ABHD14A: variants seen among roughly 807,000 people sequenced by gnomAD.
ABHD14A encodes the protein abhydrolase domain containing 14A.
ABHD14A carries 19 observed loss-of-function variants against 27.0 expected under a neutral mutation model. The observed-to-expected ratio is 0.70, with a 90% CI of 0.49 to 1.03. The LOEUF is 1.03. ABHD14A is among the 50% of genes least tolerant of loss of function. The probability of loss-of-function intolerance (pLI) is 0.00; values close to 1 mark genes in which losing one functional copy is unlikely to be tolerated. For missense variants in ABHD14A, 311 were observed against 344.6 expected (o/e 0.90, Z 0.77); for synonymous variants, 148 against 158.8 (o/e 0.93, Z 0.51).
intron 1 of ABHD14A, among the ~76,000 whole-genome samples, chr3:51,976,477 A>G (rs982271876): frequency 6.6e-6 from 1 of 151,998 alleles, no homozygotes; most frequent in Non-Finnish European, 1.5e-5. Flanking sequence ...CAGTTCGAGA[A>G]CAGCCTGGCC....
In ABHD14A at chr3:51,978,280, T is replaced by C. The variant is rs1284887148; in HGVS notation, c.303T>C (p.His101=). The part of the protein sequence containing the change: ...QAHRVEVVLL[H]GKAFNSHTWE... ...GCAGGGTGGAGGTGGTGCTGCTTCATGGAAAGGCCTTTAACTCTCACACGT... is the reference window on the plus strand; with the variant it reads ...GCAGGGTGGAGGTGGTGCTGCTTCACGGAAAGGCCTTTAACTCTCACACGT... Residue 101 remains histidine, a synonymous_variant, in exon 3 of 5, where the codon CAT becomes CAC. Coordinates refer to ENST00000273596, the MANE Select transcript of ABHD14A (RefSeq NM_015407.5). The C allele has an allele frequency of 1.3e-6, 2 of 1,551,544 alleles. No individual in the cohort carries two copies. Among genetic ancestry groups the C allele is most frequent in the Non-Finnish European group, 1.7e-6 (2 of 1,146,780 alleles).
rs774213362 is a variant in ABHD14A at position 51,980,244 on chromosome 3, A to G, written c.398-149A>G. On this transcript the variant is annotated intron_variant, in intron 3 of 4. Coordinates refer to ENST00000273596, the MANE Select transcript of ABHD14A (RefSeq NM_015407.5). Reference sequence around the variant, plus strand: ...GCCAAGATATGCTTTTCTAACAGGCATATTACATTACCAGAAAATAGCTTC... The same window carrying G: ...GCCAAGATATGCTTTTCTAACAGGCGTATTACATTACCAGAAAATAGCTTC... 4.0e-6 allele frequency: 3 copies of G among 756,756 alleles called. No individual in the cohort carries two copies. The South Asian group carries it at 4.4e-5, about 11-fold the overall frequency. The allele number at this position is 756,756 out of a possible 1,614,324, so 46.9% of individuals were successfully genotyped here. A position where few individuals can be genotyped will look rare whatever the true frequency, so the allele number is the denominator to read the frequency against.
At position 51,978,341 on chromosome 3, in the gene ABHD14A, AG is replaced by A; in HGVS notation, c.368del (p.Gly123AlafsTer46). The A allele has an allele frequency of 6.4e-7, 1 of 1,551,686 alleles. No homozygotes were observed. The highest frequency in any genetic ancestry group is 8.7e-7 in the Non-Finnish European group (1 of 1,146,970). On this transcript the variant is annotated frameshift_variant, in exon 3 of 5. Transcript: ENST00000273596. LOFTEE classifies it high-confidence loss of function. The stretch of plus-strand genomic sequence containing the variant: ...GGGCACACTGCAGCTACTGTCACAG[AG>A]GGGCTACCGGGCCGTGGCCCTTGAC... Reference protein sequence around the residue: ...QLGTLQLLSQRGYRAVALDLP... With the variant: ...QLGTLQLLSQXGYRAVALDLP...
rs1366981209 is a variant in ABHD14A, at chr3:51,977,854, C to T, written c.70-17C>T. ...GACTCAGTTCCAGCCTCTTTTCCCT[C>T]TCCTCTCCCTCTCCAGACTGTGGTA... On this transcript the variant is annotated splice_polypyrimidine_tract_variant and intron_variant, in intron 1 of 4. Coordinates refer to ENST00000273596, the MANE Select transcript of ABHD14A (RefSeq NM_015407.5). 6.2e-7 allele frequency: 1 copy of T among 1,601,988 alleles called. No individual in the cohort carries two copies. The highest frequency in any genetic ancestry group is 1.1e-5 in the South Asian group (1 of 90,878).
Position 51,980,647 on chromosome 3 carries a change from C to T in ABHD14A, c.633+19C>T. ...TGTGAAGGTACTGGGAGAAGGATCT[C>T]AAAGGTCCTGGCACCCTGTCTGTGG... On this transcript the variant is annotated intron_variant, in intron 4 of 4. Coordinates refer to ENST00000273596, the MANE Select transcript of ABHD14A (RefSeq NM_015407.5). 2 of 1,608,410 alleles carry T rather than the reference C, an allele frequency of 1.2e-6. No homozygotes were observed. Among genetic ancestry groups the T allele is most frequent in the South Asian group, 1.1e-5 (1 of 90,616 alleles).
intron 3 of ABHD14A, among the ~76,000 whole-genome samples, chr3:51,980,013 C>A (rs1446384788): frequency 6.6e-6 from 1 of 150,880 alleles, no homozygotes; most frequent in Non-Finnish European, 1.5e-5. Flanking sequence ...GCTCCGCCCC[C>A]CGGGGTTCAT....
chr3:51,980,785 G>A, intron 4 of ABHD14A, 51 bp from the exon 5 acceptor site: 5 of 1,590,732 alleles, frequency 3.1e-6, no homozygotes, highest in Non-Finnish European at 4.3e-6. Context: ...TGGCTTGGGG[G>A]TCAGAAACTC....
Position 51,977,957 on chromosome 3 carries a change from G to A in ABHD14A, c.156G>A (p.Leu52=). ...TCATGCTCCTACTGTATGTGGGGCT[G>A]CCAGGCCCCCCTGAGCAGACTTCCT... is the stretch of plus-strand genomic sequence containing the variant. ...LLLMLLLYVG[L]PGPPEQTSCL... The change falls in exon 2 of 5, where the codon CTG becomes CTA. Residue 52 remains leucine, a synonymous_variant. Transcript: ENST00000273596. 1 of 1,614,144 alleles carries A rather than the reference G, an allele frequency of 6.2e-7. No individual in the cohort carries two copies. Among genetic ancestry groups the A allele is most frequent in the Non-Finnish European group, 8.5e-7 (1 of 1,180,040 alleles).
At chr3:51,975,729 G>T (rs1700774730) in intron 1 of ABHD14A, among the ~76,000 whole-genome samples, 1 of 152,098 alleles carries the variant, frequency 6.6e-6, no homozygotes, top group Non-Finnish European at 1.5e-5. Flanking sequence ...AGTCTCTCTG[G>T]CTTCCTGATG....
In ABHD14A at chr3:51,975,077, G is replaced by A. The variant is rs774653133; in HGVS notation, c.-59G>A. On this transcript the variant is annotated 5_prime_UTR_variant, in exon 1 of 5. Coordinates refer to ENST00000273596, the MANE Select transcript of ABHD14A (RefSeq NM_015407.5). ...GCTGCGGAGTGCGCAGGCGCGCCGA[G>A]ATGGCCGCGCTCCTGGCCGCCTAGA... 1.9e-5 allele frequency: 24 copies of A among 1,270,624 alleles called. No individual in the cohort carries two copies. Among genetic ancestry groups the A allele is most frequent in the East Asian group, 3.2e-5 (1 of 31,534 alleles). The allele number at this position is 1,270,624 out of a possible 1,614,324, so 78.7% of individuals were successfully genotyped here.
At position 51,975,188 on chromosome 3, in the gene ABHD14A, T is replaced by C. The variant is rs925708742; in HGVS notation, c.53T>C (p.Leu18Pro). 12 of 1,274,662 alleles carry C rather than the reference T, an allele frequency of 9.4e-6. No individual in the cohort carries two copies. In the African/African-American group the frequency reaches 1.9e-4, roughly 20 times the overall value. 79.0% of individuals were successfully genotyped at this position (1,274,662 alleles called of 1,614,324 possible). The change falls in exon 1 of 5, where the codon CTC becomes CCC. Residue 18 changes from leucine (L) to proline (P), a missense_variant. Physicochemically the swap from Leu to Pro is moderately conservative, Grantham distance 98 (BLOSUM62 -3). Coordinates refer to ENST00000273596, the MANE Select transcript of ABHD14A (RefSeq NM_015407.5). ...CWFRLGGARPLIPLGPTVVQT... is the reference protein window; with the variant it reads ...CWFRLGGARPPIPLGPTVVQT... ...TTCCGCCTGGGCGGGGCCCGCCCGC[T>C]CATCCCGTTGGGCCCGGTGAGTCTC... is the stretch of plus-strand genomic sequence containing the variant.
Position 51,978,381 on chromosome 3 carries a change from AC to A in ABHD14A, c.397+12del. ...GTGGCCCTTGACCTTCCAGGTGAGC[AC>A]CCCCACCCCTTTGTCTAGGGAAGCC... On this transcript the variant is annotated splice_region_variant and intron_variant, in intron 3 of 4. Transcript: ENST00000273596. 1 of 1,547,340 alleles carries A rather than the reference AC, an allele frequency of 6.5e-7. No individual in the cohort carries two copies. The highest frequency in any genetic ancestry group is 1.2e-5 in the South Asian group (1 of 83,826).
rs764890389 is a variant in ABHD14A, at chr3:51,978,095, C to A, written c.281+13C>A. 1 of 1,610,850 alleles carries A rather than the reference C, an allele frequency of 6.2e-7. No homozygotes were observed. Among genetic ancestry groups the A allele is most frequent in the East Asian group, 2.2e-5 (1 of 44,696 alleles). On this transcript the variant is annotated intron_variant, in intron 2 of 4. Coordinates refer to ENST00000273596, the MANE Select transcript of ABHD14A (RefSeq NM_015407.5). The stretch of plus-strand genomic sequence containing the variant: ...ACCAGGCACACAGGTAGGTGCTGCT[C>A]CAAGGGTCTAGTGGAGGGACTAGGC...
chr3:51,980,678 G>C, intron 4 of ABHD14A, 50 bp downstream of exon 4: 2 of 1,586,708 alleles, frequency 1.3e-6, no homozygotes, highest in East Asian at 2.2e-5. Context: ...TGTGGCTTGG[G>C]GGGGTTCAGG....
intron 1 of ABHD14A, 29 bp downstream of exon 1, chr3:51,975,233 C>G (rs1213218883): frequency 2.4e-6 from 3 of 1,250,064 alleles, no homozygotes; most frequent in African/African-American, 3.1e-5. Context: ...GGAGGCCGGC[C>G]GGTGGCCCAG....
chr3:51,978,864 T>A (rs1323986030), intron 3 of ABHD14A: 3 of 278,514 alleles, frequency 1.1e-5, no homozygotes, highest in Non-Finnish European at 1.5e-5. Flanking sequence ...AGTGCTGGGA[T>A]TACAGGTGTG....
At chr3:51,975,936 G>A (rs758252120) in intron 1 of ABHD14A, among the ~76,000 whole-genome samples, 4 of 152,250 alleles carry the variant, frequency 2.6e-5, no homozygotes, top group Non-Finnish European at 5.9e-5. Flanking sequence ...CCTAACCCGG[G>A]CACAGTTTAC....
rs1018368388 is a variant in ABHD14A, at chr3:51,978,377, G to A, written c.397+3G>A. On this transcript the variant is annotated splice_donor_region_variant and intron_variant, in intron 3 of 4. Coordinates refer to ENST00000273596, the MANE Select transcript of ABHD14A (RefSeq NM_015407.5). ...GGCCGTGGCCCTTGACCTTCCAGGT[G>A]AGCACCCCCACCCCTTTGTCTAGGG... is the stretch of plus-strand genomic sequence containing the variant. 6.5e-7 allele frequency: 1 copy of A among 1,550,060 alleles called. No individual in the cohort carries two copies. Among genetic ancestry groups the A allele is most frequent in the Admixed American group, 2.0e-5 (1 of 50,940 alleles).
chr3:51,978,052 G>A lies in ABHD14A; in HGVS notation c.251G>A (p.Arg84His), dbSNP rs757493149. The change falls in exon 2 of 5, where the codon CGC becomes CAC. Residue 84 changes from arginine (R) to histidine (H), a missense_variant. Coordinates refer to ENST00000273596, the MANE Select transcript of ABHD14A (RefSeq NM_015407.5). ...LTPGNSPIFY[R>H]EVLPLNQAHR... ...CCTGGCAACTCGCCCATCTTTTACC[G>A]CGAGGTGCTCCCACTCAACCAGGCA... 59 of 1,613,856 alleles carry A rather than the reference G, an allele frequency of 3.7e-5. No homozygotes were observed. The highest frequency in any genetic ancestry group is 3.3e-4 in the Middle Eastern group (2 of 6,084).
Sources: allele counts gnomAD v4.1 joint callset (sites outside exome capture counted in the v4.1 genomes callset), GRCh38; gene constraint gnomAD v4.1.1; transcripts MANE v1.5; gene names NCBI Gene and HGNC (gene_info 2026-07-23, HGNC 2026-07-21).